VSNL1: variants seen among roughly 807,000 people sequenced by gnomAD.
VSNL1 encodes visinin-like protein 1.
In VSNL1, 6 loss-of-function variants were observed where a neutral mutation model predicts 20.4. The ratio of observed to expected loss-of-function variants is 0.29; its 90% confidence interval spans 0.16 to 0.58. The LOEUF is 0.58. VSNL1 is among the 20% of genes least tolerant of loss of function. VSNL1 has a pLI of 0.90. For synonymous variants in VSNL1, 93 were observed against 86.4 expected (o/e 1.08, Z -0.42); for missense variants, 100 against 234.5 (o/e 0.43, Z 3.75).
chr2:17,597,564 G>T (rs1170577235), intron 2 of VSNL1, among the ~76,000 whole-genome samples: 1 of 152,122 alleles, frequency 6.6e-6, no homozygotes, highest in African/African-American at 2.4e-5. Context: ...GATCATCATT[G>T]ATTTAACAGT....
chr2:17,592,137 G>A lies in VSNL1; in HGVS notation c.63G>A (p.Glu21=). ...EVMEDLVKST[E]FNEHELKQWY... is the part of the protein sequence containing the mutation. ...TGGAGGACCTGGTGAAGAGCACAGAGTTTAATGAGCATGAACTCAAGCAGT... is the reference window on the plus strand; with the variant it reads ...TGGAGGACCTGGTGAAGAGCACAGAATTTAATGAGCATGAACTCAAGCAGT... The change falls in exon 2 of 4, where the codon GAG becomes GAA. Residue 21 remains glutamate, a synonymous_variant. Coordinates refer to ENST00000295156, the MANE Select transcript of VSNL1 (RefSeq NM_003385.5). The A allele has an allele frequency of 6.2e-7, 1 of 1,613,946 alleles. No individual in the cohort carries two copies. Among genetic ancestry groups the A allele is most frequent in the Non-Finnish European group, 8.5e-7 (1 of 1,179,848 alleles).
chr2:17,540,365 G>C (rs1284487877), upstream of VSNL1, among the ~76,000 whole-genome samples: 1 of 152,254 alleles, frequency 6.6e-6, no homozygotes, highest in Non-Finnish European at 1.5e-5. Flanking sequence ...GTAACCACTG[G>C]GCGTGGCGAG....
intron 2 of VSNL1, among the ~76,000 whole-genome samples, chr2:17,599,382 A>G (rs1356203734): frequency 6.6e-6 from 1 of 152,244 alleles, no homozygotes; most frequent in Non-Finnish European, 1.5e-5. Context: ...GAATTTAAAA[A>G]TGATTATTGT....
chr2:17,611,354 CAT>C lies in VSNL1; in HGVS notation c.162+19120_162+19121del, dbSNP rs1162638476. Among the ~76,000 whole-genome samples, 13 of 152,364 alleles carry C rather than the reference CAT, an allele frequency of 8.5e-5. No individual in the cohort carries two copies. In the East Asian group the frequency reaches 2.5e-3, roughly 29 times the overall value. On this transcript the variant is annotated intron_variant, in intron 2 of 3. Coordinates refer to ENST00000295156, the MANE Select transcript of VSNL1 (RefSeq NM_003385.5). ...CTGACTCTTGCTGTGTGACAAATGA[CAT>C]AAACCATTTGAGCCTCAGTTACTTC... is the stretch of plus-strand genomic sequence containing the variant.
intron 2 of VSNL1, among the ~76,000 whole-genome samples, chr2:17,633,018 A>G (rs1272474059): frequency 1.3e-5 from 2 of 152,202 alleles, no homozygotes; most frequent in East Asian, 1.9e-4. Flanking sequence ...TAATAAAGAC[A>G]TACCTGAGGC....
At chr2:17,629,299 G>A (rs1181277671) in intron 2 of VSNL1, among the ~76,000 whole-genome samples, 2 of 152,192 alleles carry the variant, frequency 1.3e-5, no homozygotes, top group Admixed American at 6.5e-5. Flanking sequence ...TGCCCCTTCC[G>A]TGTTACGTAG....
intron 1 of VSNL1, among the ~76,000 whole-genome samples, chr2:17,576,037 T>C (rs1664206692): frequency 1.3e-5 from 2 of 152,218 alleles, no homozygotes; most frequent in Non-Finnish European, 1.5e-5. Flanking sequence ...TTGGTTTGTA[T>C]AGGAAATAAG....
intron 2 of VSNL1, among the ~76,000 whole-genome samples, chr2:17,592,640 CTTTTTTTTTTTTTTTTTTTTTTTTTTT>C (rs55756596): frequency 1.1e-4 from 8 of 70,886 alleles, no homozygotes; most frequent in East Asian, 1.1e-3. Context: ...CTCTCTCTCT[CTTTTTTTTTTTTTTTTTTTTTTTTTTT>C]TTTTTTTTTT....
chr2:17,612,092 G>T (rs1435064510), intron 2 of VSNL1, among the ~76,000 whole-genome samples: 1 of 152,164 alleles, frequency 6.6e-6, no homozygotes, highest in Non-Finnish European at 1.5e-5. Context: ...TCACACACAT[G>T]CACGTGCCTA....
intron 1 of VSNL1, among the ~76,000 whole-genome samples, chr2:17,580,900 G>A (rs555793399): frequency 1.8e-4 from 27 of 152,286 alleles, no homozygotes; most frequent in African/African-American, 6.3e-4. Flanking sequence ...TCATTATAAA[G>A]AGTTCAGAAA....
intron 2 of VSNL1, among the ~76,000 whole-genome samples, chr2:17,628,355 G>A (rs1665556370): frequency 6.6e-6 from 1 of 152,220 alleles, no homozygotes; most frequent in Non-Finnish European, 1.5e-5. Context: ...CTGATATATA[G>A]TGTAGGGAGG....
chr2:17,648,347 G>C (rs890563784), intron 2 of VSNL1, among the ~76,000 whole-genome samples: 1 of 152,210 alleles, frequency 6.6e-6, no homozygotes, highest in South Asian at 2.1e-4. Flanking sequence ...GACGGACCGA[G>C]GGCTCCTCGA....
At chr2:17,631,849 ATACT>A (rs1348004554) in intron 2 of VSNL1, among the ~76,000 whole-genome samples, 1 of 152,250 alleles carries the variant, frequency 6.6e-6, no homozygotes, top group Non-Finnish European at 1.5e-5. Flanking sequence ...ACACAGGTAC[ATACT>A]TAATGACTAG....
At chr2:17,599,428 G>C (rs911769865) in intron 2 of VSNL1, among the ~76,000 whole-genome samples, 1 of 152,172 alleles carries the variant, frequency 6.6e-6, no homozygotes, top group African/African-American at 2.4e-5. Flanking sequence ...GTTGGCTGGA[G>C]GCCCACTGGG....
chr2:17,588,183 G>T (rs112111545), intron 1 of VSNL1, among the ~76,000 whole-genome samples: 1 of 152,084 alleles, frequency 6.6e-6, no homozygotes, highest in Non-Finnish European at 1.5e-5. Context: ...TCCCTTCTTC[G>T]GTAATAAACA....
intron 1 of VSNL1, among the ~76,000 whole-genome samples, chr2:17,569,940 C>T (rs1314957807): frequency 6.6e-6 from 1 of 152,182 alleles, no homozygotes; most frequent in Non-Finnish European, 1.5e-5. Context: ...CAGACTATAA[C>T]TAGGTAAGCA....
Position 17,656,938 on chromosome 2 carries a change from AAATTCGTTTTTTACCG to A in VSNL1, c.*1560_*1575del, listed in dbSNP as rs1249927554. 5.3e-5 allele frequency: 8 copies of A among 152,302 alleles called. 1 individual carries two copies. The South Asian group carries it at 1.0e-3, about 20-fold the overall frequency. The allele number at this position is 152,302 out of a possible 1,614,324, so 9.4% of individuals were successfully genotyped here. ...ATTATTTATTCAAGTACTTTTTATCAAATTCGTTTTTTACCGAATTCGTTTTTTACCATTCTTTATT... is the reference window on the plus strand; with the variant it reads ...ATTATTTATTCAAGTACTTTTTATCAAATTCGTTTTTTACCATTCTTTATT... On this transcript the variant is annotated 3_prime_UTR_variant, in exon 4 of 4. Transcript: ENST00000295156.
At chr2:17,627,603 C>T (rs757800251) in intron 2 of VSNL1, among the ~76,000 whole-genome samples, 4 of 152,034 alleles carry the variant, frequency 2.6e-5, no homozygotes, top group Non-Finnish European at 4.4e-5. Flanking sequence ...GAGTTGAAGC[C>T]GTTGTCTTGT....
At chr2:17,628,200 T>C (rs1176045498) in intron 2 of VSNL1, among the ~76,000 whole-genome samples, 1 of 152,110 alleles carries the variant, frequency 6.6e-6, no homozygotes, top group South Asian at 2.1e-4. Flanking sequence ...AGAGTGTGAG[T>C]TATTGAGGAC....
Sources: allele counts gnomAD v4.1 joint callset (sites outside exome capture counted in the v4.1 genomes callset), GRCh38; gene constraint gnomAD v4.1.1; transcripts MANE v1.5; gene names NCBI Gene and HGNC (gene_info 2026-07-23, HGNC 2026-07-21).